Variants in ERC2 observed in about 807,000 individuals in gnomAD.
ERC2 encodes ERC protein 2.
A neutral mutation model predicts 114.8 loss-of-function variants in ERC2; 42 were observed. The observed-to-expected ratio is 0.37, with a 90% CI of 0.29 to 0.47. The LOEUF (loss-of-function observed/expected upper bound fraction) is 0.47. Among genes scored for constraint, ERC2 ranks in the 20% least tolerant of loss-of-function variants. The probability of loss-of-function intolerance (pLI) is 0.99; values close to 1 mark genes in which losing one functional copy is unlikely to be tolerated. For synonymous variants in ERC2, 454 were observed against 425.5 expected (o/e 1.07, Z -0.82); for missense variants, 939 against 1,150.7 (o/e 0.82, Z 2.66).
chr3:56,076,071 A>G (rs1576825217), intron 7 of ERC2, among the ~76,000 whole-genome samples: 1 of 152,268 alleles, frequency 6.6e-6, no homozygotes, highest in East Asian at 1.9e-4. Flanking sequence ...CACTCCCAGG[A>G]GCCAACTCCA....
chr3:55,938,199 GAATA>G (rs1208753025), intron 13 of ERC2, among the ~76,000 whole-genome samples: 2 of 151,384 alleles, frequency 1.3e-5, no homozygotes, highest in Admixed American at 6.5e-5. Flanking sequence ...TGGAATGAAT[GAATA>G]GATTAAAACT....
At chr3:56,225,760 G>C (rs2050209940) in intron 3 of ERC2, among the ~76,000 whole-genome samples, 1 of 152,146 alleles carries the variant, frequency 6.6e-6, no homozygotes, top group Non-Finnish European at 1.5e-5. Flanking sequence ...CTGGTACTCT[G>C]TGTTTAGGTA....
At chr3:56,019,562 A>G (rs1384981559) in intron 7 of ERC2, among the ~76,000 whole-genome samples, 2 of 152,224 alleles carry the variant, frequency 1.3e-5, no homozygotes, top group Non-Finnish European at 2.9e-5. Context: ...CCACATGAAA[A>G]GCCAAGTAGG....
At chr3:55,757,126 C>T (rs1419608075) in intron 14 of ERC2, among the ~76,000 whole-genome samples, 1 of 152,150 alleles carries the variant, frequency 6.6e-6, no homozygotes, top group Non-Finnish European at 1.5e-5. Context: ...CAGAAAAGAA[C>T]ACAGAACACC....
chr3:55,952,197 T>TATATATATA, intron 12 of ERC2, among the ~76,000 whole-genome samples: 1 of 125,952 alleles, frequency 7.9e-6, no homozygotes, highest in African/African-American at 3.2e-5. Flanking sequence ...TCTCTCTCTC[T>TATATATATA]CTATATATAT....
chr3:55,756,667 A>T (rs1022159502), intron 14 of ERC2, among the ~76,000 whole-genome samples: 1 of 152,240 alleles, frequency 6.6e-6, no homozygotes, highest in Admixed American at 6.5e-5. Context: ...GCCATGAAAA[A>T]TCAAATCAGC....
At chr3:55,587,985 T>C (rs1032746479) in intron 17 of ERC2, among the ~76,000 whole-genome samples, 1 of 152,170 alleles carries the variant, frequency 6.6e-6, no homozygotes, top group African/African-American at 2.4e-5. Flanking sequence ...TCATTGCCTA[T>C]TGCCTTCCAA....
At chr3:55,978,527 A>G (rs1157637571) in intron 12 of ERC2, among the ~76,000 whole-genome samples, 1 of 151,954 alleles carries the variant, frequency 6.6e-6, no homozygotes, top group Non-Finnish European at 1.5e-5. Context: ...TCTCGTATCA[A>G]CTCCCTACTC....
intron 17 of ERC2, among the ~76,000 whole-genome samples, chr3:55,638,419 G>A (rs980227061): frequency 5.9e-5 from 9 of 152,316 alleles, no homozygotes; most frequent in South Asian, 2.1e-4. Context: ...GTTATTCCCC[G>A]AGGGGCTCGG....
chr3:55,932,987 T>C (rs2149406338), intron 13 of ERC2, among the ~76,000 whole-genome samples: 1 of 152,282 alleles, frequency 6.6e-6, no homozygotes, highest in Admixed American at 6.5e-5. Context: ...GGTGGGTGGA[T>C]CACTTGAGGT....
intron 12 of ERC2, among the ~76,000 whole-genome samples, chr3:55,964,359 A>G (rs933919075): frequency 1.3e-5 from 2 of 152,232 alleles, no homozygotes; most frequent in African/African-American, 4.8e-5. Context: ...TGCTATATAA[A>G]AATAATAAAA....
At chr3:55,717,978 C>T (rs1486293186) in intron 15 of ERC2, among the ~76,000 whole-genome samples, 1 of 152,110 alleles carries the variant, frequency 6.6e-6, no homozygotes, top group Non-Finnish European at 1.5e-5. Flanking sequence ...TAATGTTTTT[C>T]AACAAAATTT....
intron 3 of ERC2, among the ~76,000 whole-genome samples, chr3:56,218,392 C>G (rs1335396531): frequency 5.3e-5 from 8 of 152,070 alleles, no homozygotes; most frequent in African/African-American, 1.9e-4. Flanking sequence ...TGAAAAAATG[C>G]TCATCATCAC....
chr3:56,346,033 C>T (rs183785379), intron 2 of ERC2, among the ~76,000 whole-genome samples: 160 of 152,300 alleles, frequency 1.1e-3, no homozygotes, highest in African/African-American at 3.6e-3. Context: ...CCCAAAGGGA[C>T]ATCATCCCAG....
intron 13 of ERC2, among the ~76,000 whole-genome samples, chr3:55,912,478 C>T (rs2064864535): frequency 1.3e-5 from 2 of 152,074 alleles, no homozygotes; most frequent in Admixed American, 1.3e-4. Flanking sequence ...TTATTATTAC[C>T]CTACTGTATG....
intron 14 of ERC2, among the ~76,000 whole-genome samples, chr3:55,736,023 T>C (rs974194535): frequency 2.0e-5 from 3 of 152,180 alleles, no homozygotes; most frequent in African/African-American, 4.8e-5. Flanking sequence ...CTTGAAAGTA[T>C]GCCCCTTATC....
At chr3:56,195,724 C>T (rs190468326) in intron 3 of ERC2, among the ~76,000 whole-genome samples, 10 of 151,922 alleles carry the variant, frequency 6.6e-5, no homozygotes, top group Admixed American at 5.3e-4. Flanking sequence ...CTACTGGGGA[C>T]TCTGAGGCAG....
intron 14 of ERC2, among the ~76,000 whole-genome samples, chr3:55,834,333 A>G (rs1285376562): frequency 6.6e-6 from 1 of 152,174 alleles, no homozygotes; most frequent in Non-Finnish European, 1.5e-5. Flanking sequence ...CACCACACCT[A>G]TTCCAAAATT....
intron 2 of ERC2, among the ~76,000 whole-genome samples, chr3:56,305,160 TA>T (rs1476403119): frequency 1.3e-5 from 2 of 152,066 alleles, no homozygotes; most frequent in East Asian, 3.9e-4. Context: ...AATGTAGCCA[TA>T]AAAAGAAGAG....
Sources: gnomAD v4.1 joint callset for allele counts (sites outside exome capture counted in the v4.1 genomes callset) on GRCh38, gnomAD v4.1.1 for gene constraint, MANE v1.5 for transcripts, NCBI Gene and HGNC (gene_info 2026-07-23, HGNC 2026-07-21) for gene names.